The following BMAL2 variants were observed in gnomAD, a reference collection of about 807,000 sequenced individuals.
BMAL2 encodes the protein basic helix-loop-helix ARNT like 2.
the BMAL2 span, among the ~76,000 whole-genome samples, chr12:27,407,578 G>A: frequency 1.3e-5 from 2 of 151,936 alleles, no homozygotes; most frequent in Admixed American, 1.3e-4. Flanking sequence ...AGAATCTCTG[G>A]GATGCATTCA....
At chr12:27,358,139 G>C in the BMAL2 span, among the ~76,000 whole-genome samples, 2 of 151,882 alleles carry the variant, frequency 1.3e-5, no homozygotes, top group Admixed American at 1.3e-4. Flanking sequence ...GAAAATCTTC[G>C]CTATCTATAC....
the BMAL2 span, among the ~76,000 whole-genome samples, chr12:27,414,830 A>C: frequency 6.6e-6 from 1 of 152,308 alleles, no homozygotes; most frequent in East Asian, 1.9e-4. Flanking sequence ...ATGACTGATG[A>C]AACTGAGTTG....
chr12:27,408,446 A>G, the BMAL2 span, among the ~76,000 whole-genome samples: 1 of 152,234 alleles, frequency 6.6e-6, no homozygotes, highest in Non-Finnish European at 1.5e-5. Flanking sequence ...AACATACGCA[A>G]ATCAATAAAT....
At chr12:27,410,480 C>G in the BMAL2 span, among the ~76,000 whole-genome samples, 4 of 152,090 alleles carry the variant, frequency 2.6e-5, no homozygotes, top group Non-Finnish European at 5.9e-5. Context: ...TCATTCTCAG[C>G]AAACTATGGC....
At chr12:27,420,023 A>G in the BMAL2 span, among the ~76,000 whole-genome samples, 312 of 130,216 alleles carry the variant, frequency 2.4e-3, 1 homozygote, top group African/African-American at 0.01. Flanking sequence ...GCGCGTGCAC[A>G]CACACACACA....
the BMAL2 span, among the ~76,000 whole-genome samples, chr12:27,362,960 T>C: frequency 1.3e-5 from 2 of 152,132 alleles, no homozygotes; most frequent in South Asian, 4.1e-4. Context: ...CACACCACCA[T>C]GCTTGGCTAG....
the BMAL2 span, among the ~76,000 whole-genome samples, chr12:27,335,147 G>A: frequency 6.6e-6 from 1 of 152,198 alleles, no homozygotes; most frequent in Non-Finnish European, 1.5e-5. Flanking sequence ...AACAAAAACA[G>A]GCCTCTGGGC....
chr12:27,383,383 G>GT, the BMAL2 span, among the ~76,000 whole-genome samples: 2 of 152,120 alleles, frequency 1.3e-5, no homozygotes, highest in Admixed American at 6.5e-5. Context: ...TGTGAAAAAA[G>GT]TAAGTGATCA....
chr12:27,370,254 A>G, the BMAL2 span: 2,297 of 1,549,664 alleles, frequency 1.5e-3, 4 homozygotes, highest in Non-Finnish European at 1.8e-3. Context: ...TGTCTTTGAC[A>G]TACTCTCTCC....
the BMAL2 span, among the ~76,000 whole-genome samples, chr12:27,367,810 TATA>T: frequency 9.1e-6 from 1 of 109,880 alleles, no homozygotes; most frequent in African/African-American, 3.3e-5. Context: ...TATATATAGA[TATA>T]ATGTGTGTGT....
the BMAL2 span, among the ~76,000 whole-genome samples, chr12:27,384,877 A>G: frequency 2.6e-5 from 4 of 152,308 alleles, no homozygotes; most frequent in African/African-American, 4.8e-5. Context: ...CTGCATATCA[A>G]TCCTTGAATT....
the BMAL2 span, chr12:27,377,499 T>C: frequency 6.6e-6 from 1 of 152,256 alleles, no homozygotes; most frequent in East Asian, 1.9e-4. Flanking sequence ...CAGGAGTCTC[T>C]ATCCATCGCT....
At chr12:27,405,746 G>A in the BMAL2 span, among the ~76,000 whole-genome samples, 7 of 152,226 alleles carry the variant, frequency 4.6e-5, no homozygotes, top group Non-Finnish European at 1.0e-4. Context: ...AAGCTGGACA[G>A]AGAATGAGTT....
At chr12:27,354,544 C>G in the BMAL2 span, among the ~76,000 whole-genome samples, 1 of 152,074 alleles carries the variant, frequency 6.6e-6, no homozygotes, top group South Asian at 2.1e-4. Context: ...ATATAACAAA[C>G]CTGCACATAT....
chr12:27,418,868 A>G, the BMAL2 span, among the ~76,000 whole-genome samples: 2 of 151,744 alleles, frequency 1.3e-5, no homozygotes, highest in African/African-American at 4.8e-5. Flanking sequence ...AATCCCAGCT[A>G]CTCGGGAGGC....
At chr12:27,359,903 A>C in the BMAL2 span, among the ~76,000 whole-genome samples, 1 of 150,868 alleles carries the variant, frequency 6.6e-6, no homozygotes, top group Non-Finnish European at 1.5e-5. Context: ...AATTCAAGCA[A>C]ATTAGCTGGG....
chr12:27,365,413 AT>A, the BMAL2 span, among the ~76,000 whole-genome samples: 1 of 151,996 alleles, frequency 6.6e-6, no homozygotes, highest in African/African-American at 2.4e-5. Context: ...TTGTTTGTGA[AT>A]GAGATTGGCC....
At chr12:27,402,717 A>T in the BMAL2 span, 1 of 1,528,954 alleles carries the variant, frequency 6.5e-7, no homozygotes, top group South Asian at 1.2e-5. Context: ...TATTACTAAG[A>T]CATATTATTA....
the BMAL2 span, among the ~76,000 whole-genome samples, chr12:27,412,696 AACACAC>A: frequency 1.3e-5 from 2 of 149,896 alleles, no homozygotes; most frequent in African/African-American, 2.5e-5. Context: ...TTAAAAACAA[AACACAC>A]ACACACACAC....
Sources: allele counts gnomAD v4.1 joint callset (sites outside exome capture counted in the v4.1 genomes callset), GRCh38; gene constraint gnomAD v4.1.1; transcripts MANE v1.5; gene names NCBI Gene and HGNC (gene_info 2026-07-23, HGNC 2026-07-21).